Variants in CDH11 observed in about 807,000 individuals in gnomAD.
The protein encoded by CDH11 is cadherin 11, also known as cadherin-11.
A neutral mutation model predicts 67.8 loss-of-function variants in CDH11; 11 were observed. The observed-to-expected ratio is 0.16, with a 90% CI of 0.10 to 0.27. The LOEUF (loss-of-function observed/expected upper bound fraction) is 0.27, where lower values mean the gene tolerates loss of function less well. CDH11 is among the 10% of genes least tolerant of loss of function. The probability of loss-of-function intolerance (pLI) is 1.00; values close to 1 mark genes in which losing one functional copy is unlikely to be tolerated. For missense variants in CDH11, 847 were observed against 1,031.2 expected, an observed-to-expected ratio of 0.82 and a Z score of 2.45; for synonymous variants, 419 against 400.0, an observed-to-expected ratio of 1.05 and a Z score of -0.57.
chr16:64,988,443 A>G, intron 6 of CDH11, 99 bp from the exon 7 acceptor site: 1 of 1,115,758 alleles, frequency 9.0e-7, no homozygotes, highest in Non-Finnish European at 1.3e-6. Context: ...AAGGATTTGA[A>G]ATTGAACTTT....
chr16:64,946,677 G>T lies in CDH11; in HGVS notation c.*926C>A. 6.3e-6 allele frequency: 6 copies of T among 956,914 alleles called. No homozygotes were observed. The highest frequency in any genetic ancestry group is 7.6e-6 in the Non-Finnish European group (6 of 790,964). The allele number at this position is 956,914 out of a possible 1,614,324, so 59.3% of individuals were successfully genotyped here. On this transcript the variant is annotated 3_prime_UTR_variant, in exon 13 of 13. Transcript: ENST00000268603. ...TAAAAGCAGCAGACAGACAACAACA[G>T]ATCATAAATAGGGTTATTAAAAGAT...
intron 1 of CDH11, among the ~76,000 whole-genome samples, chr16:65,090,748 T>C (rs2074779760): frequency 6.6e-6 from 1 of 152,174 alleles, no homozygotes. Flanking sequence ...TCCTAAAGGC[T>C]CCAAATTAAA....
chr16:65,115,761 T>C (rs1248673655), intron 1 of CDH11, among the ~76,000 whole-genome samples: 3 of 150,512 alleles, frequency 2.0e-5, no homozygotes, highest in African/African-American at 7.3e-5. Flanking sequence ...AAGTAATACT[T>C]TAATGCATTA....
Position 65,050,609 on chromosome 16 carries a change from C to A in CDH11, c.-173+3195G>T, listed in dbSNP as rs553095030. Among the ~76,000 whole-genome samples the A allele has an allele frequency of 1.1e-4, 15 of 140,544 alleles. No individual in the cohort carries two copies. The South Asian group carries it at 2.0e-3, about 19-fold the overall frequency. 92.2% of individuals were successfully genotyped at this position (140,544 alleles called of 152,430 possible). A position where few individuals can be genotyped will look rare whatever the true frequency, so the allele number is the denominator to read the frequency against. ...CCTTTCCTCCACCAGGCACAGAATT[C>A]TTTTCCATCAAGAAGAAGCTTAACC... On this transcript the variant is annotated intron_variant, in intron 2 of 12. Transcript: ENST00000268603.
intron 2 of CDH11, among the ~76,000 whole-genome samples, chr16:65,030,926 T>C (rs1182963051): frequency 6.6e-6 from 1 of 152,066 alleles, no homozygotes; most frequent in East Asian, 1.9e-4. Context: ...GATCTTTCAT[T>C]CCCCCAGGAG....
At chr16:65,064,036 G>A (rs59768960) in intron 1 of CDH11, among the ~76,000 whole-genome samples, 2,721 of 152,304 alleles carry the variant, frequency 0.018, 93 homozygotes, top group African/African-American at 0.062. Context: ...TCTTCAAGAG[G>A]ACACTGCATG....
At chr16:65,067,202 A>G (rs140721509) in intron 1 of CDH11, among the ~76,000 whole-genome samples, 25 of 152,314 alleles carry the variant, frequency 1.6e-4, no homozygotes, top group African/African-American at 6.0e-4. Flanking sequence ...ACAGGAAAAA[A>G]AAAAAAAGAG....
chr16:65,011,601 A>T (rs2073186942), intron 2 of CDH11, among the ~76,000 whole-genome samples: 1 of 152,154 alleles, frequency 6.6e-6, no homozygotes, highest in Non-Finnish European at 1.5e-5. Flanking sequence ...GTGTGCAATG[A>T]AGAACTTATT....
chr16:65,096,287 A>G (rs1291868765), intron 1 of CDH11, among the ~76,000 whole-genome samples: 2 of 152,064 alleles, frequency 1.3e-5, no homozygotes, highest in Non-Finnish European at 2.9e-5. Context: ...CCAGAACTGT[A>G]AACAATAAAT....
At chr16:65,014,211 A>G (rs2073245447) in intron 2 of CDH11, among the ~76,000 whole-genome samples, 1 of 152,212 alleles carries the variant, frequency 6.6e-6, no homozygotes, top group South Asian at 2.1e-4. Context: ...TAAATGCAAT[A>G]ATAGGTATAT....
chr16:65,075,527 C>G (rs979770889), intron 1 of CDH11, among the ~76,000 whole-genome samples: 2 of 152,162 alleles, frequency 1.3e-5, no homozygotes, highest in Admixed American at 1.3e-4. Flanking sequence ...TGCAAAGAAC[C>G]CTTCTTCCAT....
In CDH11 at chr16:64,950,958, T is replaced by C; in HGVS notation, c.1703A>G (p.Tyr568Cys). ...GGFSRQKQDL[Y>C]LLPIVISDGG... ...ATCGCTGATCACTATGGGCAGAAGGTACAAGTCCTGCTTCTGCCGACTGAA... is the reference window on the plus strand; with the variant it reads ...ATCGCTGATCACTATGGGCAGAAGGCACAAGTCCTGCTTCTGCCGACTGAA... The change falls in exon 12 of 13, where the codon TAC becomes TGC. Residue 568 changes from tyrosine to cysteine, a missense_variant. Around this residue, in one of 2 missense-constraint regions of CDH11, gnomAD observed 612 missense variants for 678.7 expected, o/e 0.90. Coordinates refer to ENST00000268603, the MANE Select transcript of CDH11 (RefSeq NM_001797.4). 6.2e-7 allele frequency: 1 copy of C among 1,614,042 alleles called. No homozygotes were observed. The highest frequency in any genetic ancestry group is 1.1e-5 in the South Asian group (1 of 91,082).
chr16:65,093,053 C>T (rs531460345), intron 1 of CDH11, among the ~76,000 whole-genome samples: 1 of 151,490 alleles, frequency 6.6e-6, no homozygotes, highest in South Asian at 2.1e-4. Context: ...TCTCCTGCCT[C>T]AGCCTCCTGA....
chr16:64,971,309 G>GT (rs1165555366), intron 11 of CDH11, among the ~76,000 whole-genome samples: 3 of 152,124 alleles, frequency 2.0e-5, no homozygotes, highest in African/African-American at 7.2e-5. Context: ...AAATGGAGTT[G>GT]TTTGCATATT....
rs560386573 is a variant in CDH11, at chr16:64,977,341, C to T, written c.1254-4301G>A. Among the ~76,000 whole-genome samples the T allele has an allele frequency of 1.2e-4, 18 of 152,256 alleles. No homozygotes were observed. In the East Asian group the frequency reaches 3.1e-3, roughly 26 times the overall value. ...TGGATAATTATAGACATGGAAATTG[C>T]CTACATGCACAGAACAGCTACCATT... is the stretch of plus-strand genomic sequence containing the variant. On this transcript the variant is annotated intron_variant, in intron 8 of 12. Transcript: ENST00000268603.
chr16:64,946,038 T>A lies in CDH11; in HGVS notation c.*1565A>T, dbSNP rs2071190253. On this transcript the variant is annotated 3_prime_UTR_variant, in exon 13 of 13. Coordinates refer to ENST00000268603, the MANE Select transcript of CDH11 (RefSeq NM_001797.4). ...TCAATCCCCAAGAAACTAGCTGGAA[T>A]GCAGGGGACTGTAGACACACTCCTG... 1 of 1,058,816 alleles carries A rather than the reference T, an allele frequency of 9.4e-7. No homozygotes were observed. The highest frequency in any genetic ancestry group is 5.4e-5 in the Admixed American group (1 of 18,464). 65.6% of individuals were successfully genotyped at this position (1,058,816 alleles called of 1,614,324 possible). A position where few individuals can be genotyped will look rare whatever the true frequency, so the allele number is the denominator to read the frequency against.
Position 65,031,558 on chromosome 16 carries a change from G to C in CDH11, c.-173+22246C>G, listed in dbSNP as rs1398505125. On this transcript the variant is annotated intron_variant, in intron 2 of 12. Coordinates refer to ENST00000268603, the MANE Select transcript of CDH11 (RefSeq NM_001797.4). The stretch of plus-strand genomic sequence containing the variant: ...GCTCAAGGTGAGGAACAGCAATCCA[G>C]GCAGAGGGAACAGCAGGAGCAAATA... Among the ~76,000 whole-genome samples, 3 of 152,248 alleles carry C rather than the reference G, an allele frequency of 2.0e-5. No individual in the cohort carries two copies. The South Asian group carries it at 6.2e-4, about 32-fold the overall frequency.
At chr16:65,062,216 A>C (rs2074244806) in intron 1 of CDH11, among the ~76,000 whole-genome samples, 1 of 152,212 alleles carries the variant, frequency 6.6e-6, no homozygotes, top group Non-Finnish European at 1.5e-5. Flanking sequence ...ATAAAGAAAA[A>C]CAAAGACCTT....
At chr16:65,099,930 T>G (rs2074962457) in intron 1 of CDH11, among the ~76,000 whole-genome samples, 1 of 152,122 alleles carries the variant, frequency 6.6e-6, no homozygotes, top group Non-Finnish European at 1.5e-5. Flanking sequence ...CAGAGTGTTC[T>G]GCACAAAGGA....
Sources: allele counts gnomAD v4.1 joint callset (sites outside exome capture counted in the v4.1 genomes callset), GRCh38; gene constraint gnomAD v4.1.1; regional missense constraint gnomAD v4.1.1; transcripts MANE v1.5; gene names NCBI Gene and HGNC (gene_info 2026-07-23, HGNC 2026-07-21).